The following EXTL3 variants were observed in gnomAD, a reference collection of about 807,000 sequenced individuals.
The protein encoded by EXTL3 is exostosin-like 3.
A neutral mutation model predicts 69.3 loss-of-function variants in EXTL3; 27 were observed. The observed-to-expected ratio is 0.39, with a 90% CI of 0.29 to 0.54. The LOEUF (loss-of-function observed/expected upper bound fraction) is 0.54. Among genes scored for constraint, EXTL3 ranks in the 20% least tolerant of loss-of-function variants. The pLI is 0.69. For missense variants in EXTL3, 1,003 were observed against 1,231.8 expected (o/e 0.81, Z 2.78); for synonymous variants, 511 against 499.4 (o/e 1.02, Z -0.31).
intron 2 of EXTL3, among the ~76,000 whole-genome samples, chr8:28,715,057 C>G (rs1181614656): frequency 1.3e-5 from 2 of 152,230 alleles, no homozygotes; most frequent in African/African-American, 4.8e-5. Context: ...ATTACTGCAT[C>G]TACTACTGGA....
At chr8:28,624,294 TGGC>T (rs1806459282) in intron 1 of EXTL3, among the ~76,000 whole-genome samples, 2 of 152,226 alleles carry the variant, frequency 1.3e-5, no homozygotes. Flanking sequence ...CCGGGTGTGG[TGGC>T]TCACACCTGT....
chr8:28,640,824 A>G (rs1178905483), intron 1 of EXTL3, among the ~76,000 whole-genome samples: 1 of 150,582 alleles, frequency 6.6e-6, no homozygotes, highest in Non-Finnish European at 1.5e-5. Context: ...CTGATCTCAA[A>G]CTCCTGGGCT....
chr8:28,655,890 G>A lies in EXTL3; in HGVS notation c.-53+33080G>A, dbSNP rs756646951. 2.2e-4 allele frequency among the ~76,000 whole-genome samples: 33 copies of A among 152,042 alleles called. 1 individual carries two copies. Among genetic ancestry groups the A allele is most frequent in the South Asian group, 2.1e-4 (1 of 4,824 alleles). The stretch of plus-strand genomic sequence containing the variant: ...AATGATTCAACCTGGTCATGATGGC[G>A]GCCTGAACAAGGACAGTAGTTGAGA... On this transcript the variant is annotated intron_variant, in intron 1 of 6. Coordinates refer to the EXTL3 transcript ENST00000523149.
intron 4 of EXTL3, 24 bp from the exon 5 acceptor site, chr8:28,737,495 G>A: frequency 6.2e-7 from 1 of 1,613,884 alleles, no homozygotes; most frequent in Non-Finnish European, 8.5e-7. Flanking sequence ...ATTCAGGTCT[G>A]TGTATGCACT....
chr8:28,614,710 C>T (rs1405179296), intron 2 of EXTL3, among the ~76,000 whole-genome samples: 1 of 152,130 alleles, frequency 6.6e-6, no homozygotes, highest in Non-Finnish European at 1.5e-5. Context: ...TTTCACTGCA[C>T]CTACAAATTT....
chr8:28,708,808 A>G (rs150705735), intron 1 of EXTL3, among the ~76,000 whole-genome samples: 341 of 152,266 alleles, frequency 2.2e-3, no homozygotes, highest in African/African-American at 8.0e-3. Context: ...CTAAATGAAA[A>G]AGAGAAAATA....
At position 28,717,079 on chromosome 8, in the gene EXTL3, A is replaced by G; in HGVS notation, c.1020A>G (p.Lys340=). 1.2e-6 allele frequency: 2 copies of G among 1,614,218 alleles called. No individual in the cohort carries two copies. The highest frequency in any genetic ancestry group is 1.7e-6 in the Non-Finnish European group (2 of 1,180,030). ...EIPPQVPVKR[K]YLFTFQGEKI... is the part of the protein sequence containing the mutation. ...CACCACAGGTGCCGGTGAAGCGGAA[A>G]TATCTCTTCACCTTCCAGGGCGAGA... The change falls in exon 3 of 7, where the codon AAA becomes AAG. Residue 340 remains lysine (K), a synonymous_variant. Coordinates refer to ENST00000220562, the MANE Select transcript of EXTL3 (RefSeq NM_001440.4). The surrounding 1 kb of genome is among the most constrained non-coding windows in gnomAD (Gnocchi z 8.3).
chr8:28,756,010 G>C (rs6558073), downstream of EXTL3, among the ~76,000 whole-genome samples: 68,326 of 152,046 alleles, frequency 0.45, 15,397 homozygotes, highest in Middle Eastern at 0.52. Flanking sequence ...TCTGAGTAAA[G>C]TGGCAACATC....
intron 1 of EXTL3, among the ~76,000 whole-genome samples, chr8:28,688,822 A>G (rs193203871): frequency 3.3e-5 from 5 of 152,354 alleles, no homozygotes; most frequent in Admixed American, 3.3e-4. Flanking sequence ...ATTAGATCAC[A>G]TTCAAAAATG....
intron 1 of EXTL3, among the ~76,000 whole-genome samples, chr8:28,628,233 G>A (rs1250265612): frequency 1.3e-5 from 2 of 152,136 alleles, no homozygotes; most frequent in South Asian, 2.1e-4. Flanking sequence ...GTGGTGGCAC[G>A]AGCCTCTAAT....
chr8:28,664,472 T>C (rs976867911), intron 1 of EXTL3, among the ~76,000 whole-genome samples: 1 of 152,210 alleles, frequency 6.6e-6, no homozygotes, highest in Admixed American at 6.5e-5. Context: ...CGTGAGCCAC[T>C]GCATCCGGCC....
At chr8:28,666,254 C>A (rs530282453) in intron 1 of EXTL3, among the ~76,000 whole-genome samples, 4 of 152,008 alleles carry the variant, frequency 2.6e-5, no homozygotes, top group Non-Finnish European at 5.9e-5. Flanking sequence ...TGTCTCTTTT[C>A]TTTTCTTTTC....
At chr8:28,663,795 C>T (rs1320268583) in intron 1 of EXTL3, among the ~76,000 whole-genome samples, 2 of 152,122 alleles carry the variant, frequency 1.3e-5, no homozygotes, top group Non-Finnish European at 2.9e-5. Context: ...TTCCACTTTA[C>T]AAGACAGCGT....
chr8:28,662,366 C>T (rs1807130105), intron 1 of EXTL3, among the ~76,000 whole-genome samples: 2 of 152,054 alleles, frequency 1.3e-5, no homozygotes, highest in Admixed American at 1.3e-4. Flanking sequence ...TTCCTGTGAC[C>T]ATTGAACAAG....
chr8:28,642,972 G>T (rs1426957074), intron 1 of EXTL3, among the ~76,000 whole-genome samples: 18 of 151,934 alleles, frequency 1.2e-4, no homozygotes, highest in Admixed American at 1.2e-3. Flanking sequence ...GGCCAGGCGC[G>T]CTGGTTCACG....
At chr8:28,621,985 T>A (rs1806414180), upstream of EXTL3, among the ~76,000 whole-genome samples, 1 of 152,200 alleles carries the variant, frequency 6.6e-6, no homozygotes, top group Admixed American at 6.5e-5. Context: ...GTGTAATTTA[T>A]TTTTTAACTG....
chr8:28,670,717 C>A (rs1274754006), intron 1 of EXTL3, among the ~76,000 whole-genome samples: 1 of 152,178 alleles, frequency 6.6e-6, no homozygotes, highest in African/African-American at 2.4e-5. Flanking sequence ...GGATGAGGCC[C>A]AAGCACAGCA....
chr8:28,753,808 CAGA>C lies in EXTL3; in HGVS notation c.*2946_*2948del, dbSNP rs1802063907. The C allele has an allele frequency of 6.6e-6, 1 of 152,442 alleles. No homozygotes were observed. The highest frequency in any genetic ancestry group is 2.4e-5 in the African/African-American group (1 of 41,434). The allele number at this position is 152,442 out of a possible 1,614,324, so 9.4% of individuals were successfully genotyped here. On this transcript the variant is annotated 3_prime_UTR_variant, in exon 7 of 7. Coordinates refer to ENST00000220562, the MANE Select transcript of EXTL3 (RefSeq NM_001440.4). The stretch of plus-strand genomic sequence containing the variant: ...TGTGTATGCCAGCTGGGCCTGCTCG[CAGA>C]AGACGATGGGAGGCAGCCTGACCAG...
At chr8:28,737,739 A>G in intron 5 of EXTL3, 76 bp downstream of exon 5, 1 of 1,465,672 alleles carries the variant, frequency 6.8e-7, no homozygotes, top group Non-Finnish European at 9.6e-7. Flanking sequence ...TGCTGCCCTC[A>G]GCTTAGCTCT....
Sources: allele counts gnomAD v4.1 joint callset (sites outside exome capture counted in the v4.1 genomes callset), GRCh38; gene constraint gnomAD v4.1.1; non-coding constraint Gnocchi (gnomAD v3.1); transcripts MANE v1.5; gene names NCBI Gene and HGNC (gene_info 2026-07-23, HGNC 2026-07-21).